CIMIP2A: variants seen among roughly 807,000 people sequenced by gnomAD.
CIMIP2A encodes the protein family with sequence similarity 166 member A.
the CIMIP2A span, chr9:137,247,792 C>T: frequency 2.8e-5 from 40 of 1,443,632 alleles, no homozygotes; most frequent in African/African-American, 4.2e-5. Flanking sequence ...GTCCTGTCAC[C>T]GGGCAACCAT....
chr9:137,245,420 G>C, the CIMIP2A span: 56 of 1,613,784 alleles, frequency 3.5e-5, no homozygotes, highest in Non-Finnish European at 4.6e-5. Context: ...GGGCACGGAG[G>C]GTGCGGGGTG....
the CIMIP2A span, among the ~76,000 whole-genome samples, chr9:137,248,542 CAAAAA>C: frequency 5.5e-5 from 6 of 109,496 alleles, no homozygotes; most frequent in Admixed American, 1.9e-4. Context: ...GACTCTGTCT[CAAAAA>C]AAAAAAAAAA....
the CIMIP2A span, chr9:137,251,628 A>G: frequency 2.3e-6 from 3 of 1,319,086 alleles, no homozygotes; most frequent in Non-Finnish European, 2.1e-6. Context: ...GCTGTGGGGC[A>G]CGTGGCTGGG....
At chr9:137,253,645 C>T in the CIMIP2A span, 1 of 593,546 alleles carries the variant, frequency 1.7e-6, no homozygotes, top group Non-Finnish European at 2.6e-6. Context: ...ACCCTGAGCT[C>T]TAGCCTGGAG....
At chr9:137,245,139 C>A in the CIMIP2A span, 3 of 1,595,422 alleles carry the variant, frequency 1.9e-6, no homozygotes, top group African/African-American at 2.7e-5. Flanking sequence ...CTGCGGCAGC[C>A]GCTGGAAGCT....
chr9:137,248,830 T>C, the CIMIP2A span, among the ~76,000 whole-genome samples: 1 of 152,178 alleles, frequency 6.6e-6, no homozygotes, highest in Admixed American at 6.5e-5. Context: ...ATCGCACCGC[T>C]GCACTTCAGC....
the CIMIP2A span, chr9:137,253,219 G>A: frequency 4.4e-5 from 71 of 1,608,494 alleles, no homozygotes; most frequent in African/African-American, 6.7e-5. Flanking sequence ...CAAGCGCCAC[G>A]ACACAGGCCC....
the CIMIP2A span, among the ~76,000 whole-genome samples, chr9:137,254,387 C>T: frequency 3.4e-5 from 3 of 88,920 alleles, no homozygotes; most frequent in Non-Finnish European, 8.6e-5. Context: ...GAGCTCGGCC[C>T]GGCTTGTGGG....
At chr9:137,244,437 C>T in the CIMIP2A span, 1 of 1,518,234 alleles carries the variant, frequency 6.6e-7, no homozygotes, top group South Asian at 1.3e-5. Flanking sequence ...ACCCCCGACT[C>T]CAAAACTTGA....
the CIMIP2A span, chr9:137,251,834 G>C: frequency 1.2e-6 from 2 of 1,606,840 alleles, no homozygotes; most frequent in Non-Finnish European, 1.7e-6. Context: ...TTGGCCTCAG[G>C]TTACAGACGG....
chr9:137,246,824 T>C, the CIMIP2A span, among the ~76,000 whole-genome samples: 2 of 152,262 alleles, frequency 1.3e-5, no homozygotes, highest in Non-Finnish European at 2.9e-5. Context: ...TCCCCAGACG[T>C]AGCTGTTCAG....
the CIMIP2A span, chr9:137,252,514 C>A: frequency 5.2e-6 from 8 of 1,539,560 alleles, no homozygotes; most frequent in Non-Finnish European, 6.2e-6. Flanking sequence ...TGACTTCGAC[C>A]AAGAGCAAAA....
chr9:137,254,840 C>T, the CIMIP2A span, among the ~76,000 whole-genome samples: 81 of 152,278 alleles, frequency 5.3e-4, no homozygotes, highest in African/African-American at 1.4e-3. Context: ...GGCCCGGTCT[C>T]CGCCAGGCCC....
At chr9:137,248,167 A>G in the CIMIP2A span, among the ~76,000 whole-genome samples, 14 of 152,202 alleles carry the variant, frequency 9.2e-5, no homozygotes, top group Admixed American at 9.2e-4. Flanking sequence ...CCAGCCCTTC[A>G]TGTGGCGCAG....
chr9:137,254,550 G>A, the CIMIP2A span, among the ~76,000 whole-genome samples: 1 of 152,248 alleles, frequency 6.6e-6, no homozygotes, highest in Admixed American at 6.5e-5. Flanking sequence ...AAGCCTTCAA[G>A]GAAGAGCAAG....
the CIMIP2A span, chr9:137,243,792 C>G: frequency 4.3e-6 from 7 of 1,613,908 alleles, no homozygotes; most frequent in South Asian, 7.7e-5. Flanking sequence ...TGCATGGCTG[C>G]GGGGAGCCAG....
At chr9:137,244,494 C>A in the CIMIP2A span, 1 of 1,497,332 alleles carries the variant, frequency 6.7e-7, no homozygotes, top group African/African-American at 1.4e-5. Flanking sequence ...TGGGGCGGCA[C>A]CTCCGGGGAC....
the CIMIP2A span, chr9:137,244,411 C>T: frequency 6.4e-7 from 1 of 1,557,258 alleles, no homozygotes; most frequent in Non-Finnish European, 8.7e-7. Context: ...ATGCTCCCAG[C>T]CTTCTGCATC....
the CIMIP2A span, chr9:137,251,776 G>T: frequency 6.3e-7 from 1 of 1,588,528 alleles, no homozygotes; most frequent in Non-Finnish European, 8.6e-7. Flanking sequence ...CCGGAGCCGG[G>T]GATGGCCTGG....
Sources: gnomAD v4.1 joint callset for allele counts (sites outside exome capture counted in the v4.1 genomes callset) on GRCh38, gnomAD v4.1.1 for gene constraint, MANE v1.5 for transcripts, NCBI Gene and HGNC (gene_info 2026-07-23, HGNC 2026-07-21) for gene names.